TAFA1: variants seen among roughly 807,000 people sequenced by gnomAD.
TAFA1 encodes TAFA chemokine like family member 1, also known as chemokine-like protein TAFA-1.
Under a neutral mutation model 18.5 loss-of-function variants are expected in TAFA1, and 4 were observed. The observed-to-expected ratio is 0.22, with a 90% confidence interval of 0.11 to 0.49. TAFA1 has a LOEUF of 0.49. Among genes scored for constraint, TAFA1 ranks in the 20% least tolerant of loss-of-function variants. The pLI is 0.98. For synonymous variants in TAFA1, 56 were observed against 55.2 expected (o/e 1.01, Z -0.06); for missense variants, 147 against 169.0 (o/e 0.87, Z 0.72).
chr3:68,376,329 T>C (rs1261072889), intron 2 of TAFA1, among the ~76,000 whole-genome samples: 1 of 152,040 alleles, frequency 6.6e-6, no homozygotes, highest in African/African-American at 2.4e-5. Flanking sequence ...ATGGGTTTTT[T>C]TTTTACAGAT....
intron 2 of TAFA1, among the ~76,000 whole-genome samples, chr3:68,178,660 G>A (rs2066157285): frequency 6.6e-6 from 1 of 152,220 alleles, no homozygotes; most frequent in African/African-American, 2.4e-5. Flanking sequence ...AAATACCTTG[G>A]CATGCACAAG....
chr3:68,440,279 G>T (rs572512892), intron 3 of TAFA1, among the ~76,000 whole-genome samples: 1 of 152,102 alleles, frequency 6.6e-6, no homozygotes, highest in Non-Finnish European at 1.5e-5. Flanking sequence ...TGATTGTGAG[G>T]CCTCCCCAGC....
At chr3:68,343,712 G>A (rs2069121682) in intron 2 of TAFA1, among the ~76,000 whole-genome samples, 1 of 152,030 alleles carries the variant, frequency 6.6e-6, no homozygotes, top group Admixed American at 6.6e-5. Flanking sequence ...TTTTTATGTT[G>A]TCCTGTTTGT....
At chr3:68,388,207 G>A (rs1042752119) in intron 2 of TAFA1, among the ~76,000 whole-genome samples, 1 of 152,030 alleles carries the variant, frequency 6.6e-6, no homozygotes, top group Non-Finnish European at 1.5e-5. Flanking sequence ...AGAGTTTTAG[G>A]GGACATGGCA....
intron 2 of TAFA1, among the ~76,000 whole-genome samples, chr3:68,015,268 TTTTC>T (rs1411410745): frequency 4.3e-5 from 6 of 139,968 alleles, no homozygotes; most frequent in African/African-American, 8.1e-5. Context: ...AATCAATTAA[TTTTC>T]TTTCTTTCTT....
chr3:68,122,286 G>A (rs2065409202), intron 2 of TAFA1, among the ~76,000 whole-genome samples: 1 of 151,964 alleles, frequency 6.6e-6, no homozygotes, highest in Admixed American at 6.6e-5. Flanking sequence ...AGCATTTCAT[G>A]TTCCCATTGG....
intron 2 of TAFA1, among the ~76,000 whole-genome samples, chr3:68,232,656 A>G (rs1323370596): frequency 1.3e-4 from 20 of 151,822 alleles, no homozygotes; most frequent in Admixed American, 1.3e-3. Flanking sequence ...CCCGGGCTGG[A>G]GTACATTGAT....
chr3:67,999,201 G>C, the TAFA1 span, among the ~76,000 whole-genome samples: 3 of 151,844 alleles, frequency 2.0e-5, no homozygotes, highest in African/African-American at 7.3e-5. Context: ...AGCAGAAATA[G>C]AGAACATCTT....
chr3:68,098,096 C>G (rs2065107908), intron 2 of TAFA1, among the ~76,000 whole-genome samples: 1 of 152,142 alleles, frequency 6.6e-6, no homozygotes, highest in African/African-American at 2.4e-5. Context: ...TGCAAAGAAC[C>G]TGTTGTGGTC....
At chr3:68,355,697 G>T (rs1033514652) in intron 2 of TAFA1, among the ~76,000 whole-genome samples, 1 of 151,942 alleles carries the variant, frequency 6.6e-6, no homozygotes, top group Non-Finnish European at 1.5e-5. Flanking sequence ...ACTTTATGTA[G>T]CTCCAGGGAA....
intron 2 of TAFA1, among the ~76,000 whole-genome samples, chr3:68,333,357 C>A (rs62245787): frequency 5.9e-5 from 9 of 151,994 alleles, no homozygotes; most frequent in South Asian, 4.1e-4. Context: ...AAGGTAGAGA[C>A]CTTTATCTTA....
intron 2 of TAFA1, among the ~76,000 whole-genome samples, chr3:68,082,151 A>G (rs887948507): frequency 3.3e-5 from 5 of 151,952 alleles, no homozygotes; most frequent in Non-Finnish European, 4.4e-5. Flanking sequence ...CAAGTGAGGC[A>G]GTGCCTCACC....
intron 3 of TAFA1, among the ~76,000 whole-genome samples, chr3:68,508,918 A>T (rs1318153185): frequency 6.6e-6 from 1 of 151,824 alleles, no homozygotes; most frequent in Non-Finnish European, 1.5e-5. Flanking sequence ...GAATTGAGAC[A>T]ACAGAAGGAA....
In TAFA1 at chr3:68,326,075, T is replaced by A. The variant is rs142752426; in HGVS notation, c.119-91205T>A. Among the ~76,000 whole-genome samples the A allele has an allele frequency of 2.1e-3, 326 of 152,310 alleles. 1 individual carries two copies. Among genetic ancestry groups the A allele is most frequent in the African/African-American group, 7.4e-3 (307 of 41,564 alleles). ...TAGAATGTCTGAGAATTCAAACAAA[T>A]GGCAATTTAAAGGAAATATTAGGAC... On this transcript the variant is annotated intron_variant, in intron 2 of 4. Transcript: ENST00000478136.
intron 2 of TAFA1, among the ~76,000 whole-genome samples, chr3:68,260,406 G>T (rs534082370): frequency 1.3e-3 from 191 of 151,986 alleles, no homozygotes; most frequent in African/African-American, 3.9e-3. Context: ...TCTCTTTTTT[G>T]GTTGTGTCTC....
At chr3:68,475,253 C>T (rs1429599479) in intron 3 of TAFA1, among the ~76,000 whole-genome samples, 1 of 151,834 alleles carries the variant, frequency 6.6e-6, no homozygotes, top group Admixed American at 6.6e-5. Flanking sequence ...TGGTGTGCTG[C>T]ACCTATTAAC....
At chr3:68,246,653 G>A (rs1265756339) in intron 2 of TAFA1, among the ~76,000 whole-genome samples, 2 of 143,530 alleles carry the variant, frequency 1.4e-5, no homozygotes, top group African/African-American at 5.2e-5. Flanking sequence ...GACTTCATTG[G>A]TCTATTGTTA....
At chr3:68,008,131 G>T (rs1225518910) in intron 2 of TAFA1, among the ~76,000 whole-genome samples, 1 of 152,238 alleles carries the variant, frequency 6.6e-6, no homozygotes, top group African/African-American at 2.4e-5. Context: ...AGGCGAGGGG[G>T]CGCTGGTGCC....
At chr3:68,026,002 A>C (rs1431956337) in intron 2 of TAFA1, among the ~76,000 whole-genome samples, 2 of 152,208 alleles carry the variant, frequency 1.3e-5, no homozygotes, top group Admixed American at 6.5e-5. Flanking sequence ...GAGGGCAAAA[A>C]GAAGGCTCTT....
Sources: gnomAD v4.1 joint callset for allele counts (sites outside exome capture counted in the v4.1 genomes callset) on GRCh38, gnomAD v4.1.1 for gene constraint, MANE v1.5 for transcripts, NCBI Gene and HGNC (gene_info 2026-07-23, HGNC 2026-07-21) for gene names.